MFSD2A: variants seen among roughly 807,000 people sequenced by gnomAD.
MFSD2A encodes the protein sodium-dependent lysophosphatidylcholine symporter 1.
A neutral mutation model predicts 64.7 loss-of-function variants in MFSD2A; 27 were observed. The ratio of observed to expected loss-of-function variants is 0.42; its 90% CI spans 0.31 to 0.58. The LOEUF (loss-of-function observed/expected upper bound fraction) is 0.58, where lower values mean the gene tolerates loss of function less well. Among genes scored for constraint, MFSD2A ranks in the 20% least tolerant of loss-of-function variants. The pLI, the probability that MFSD2A is intolerant of heterozygous loss-of-function variation, is 0.18. For missense variants in MFSD2A, 474 were observed against 679.5 expected (o/e 0.70, Z 3.36); for synonymous variants, 258 against 273.4 (o/e 0.94, Z 0.55).
At position 39,965,090 on chromosome 1, in the gene MFSD2A, GGGAA is replaced by G; in HGVS notation, c.354-111_354-108del. ...GATGGGTGGATTTGGCAGGAGTATG[GGGAA>G]GGAAGGAAGAGCTTAGCTTCCTTCC... is the stretch of plus-strand genomic sequence containing the variant. On this transcript the variant is annotated intron_variant, in intron 3 of 13. Coordinates refer to ENST00000372811, the MANE Select transcript of MFSD2A (RefSeq NM_032793.5). The surrounding 1 kb of genome is among the most constrained non-coding windows in gnomAD (Gnocchi z 5.5). 2.2e-6 allele frequency: 3 copies of G among 1,387,210 alleles called. No homozygotes were observed. The highest frequency in any genetic ancestry group is 2.0e-6 in the Non-Finnish European group (2 of 1,019,932). The allele number at this position is 1,387,210 out of a possible 1,614,324, so 85.9% of individuals were successfully genotyped here. A position where few individuals can be genotyped will look rare whatever the true frequency, so the allele number is the denominator to read the frequency against.
chr1:39,963,109 G>A lies in MFSD2A; in HGVS notation c.354-2102G>A. The A allele has an allele frequency of 7.4e-7, 1 of 1,355,598 alleles. No homozygotes were observed. Among genetic ancestry groups the A allele is most frequent in the Non-Finnish European group, 1.0e-6 (1 of 975,112 alleles). 84.0% of individuals were successfully genotyped at this position (1,355,598 alleles called of 1,614,324 possible). ...GTCCCTTGCAAGGTGACAGGCCGCT[G>A]CGGCTCTGTGCTGGTGCGTCTCATC... On this transcript the variant is annotated intron_variant, in intron 3 of 13. Coordinates refer to ENST00000372811, the MANE Select transcript of MFSD2A (RefSeq NM_032793.5). The surrounding 1 kb of genome is among the most constrained non-coding windows in gnomAD (Gnocchi z 4.2).
rs771458481 is a variant in MFSD2A at position 39,963,711 on chromosome 1, C to A, written c.354-1500C>A. 3.9e-4 allele frequency among the ~76,000 whole-genome samples: 60 copies of A among 152,068 alleles called. No homozygotes were observed. Among genetic ancestry groups the A allele is most frequent in the Non-Finnish European group, 8.4e-4 (57 of 68,014 alleles). On this transcript the variant is annotated intron_variant, in intron 3 of 13. Coordinates refer to ENST00000372811, the MANE Select transcript of MFSD2A (RefSeq NM_032793.5). This position sits in a 1 kb window ranked among gnomAD's most constrained non-coding sequence, Gnocchi z 4.2. ...TTTTGGGCAGTGCAGTTTTAACATTCCACATTAAGGATGTAATAATCAAGG... is the reference window on the plus strand; with the variant it reads ...TTTTGGGCAGTGCAGTTTTAACATTACACATTAAGGATGTAATAATCAAGG...
At chr1:39,956,541 G>T (rs1570233079) in intron 1 of MFSD2A, among the ~76,000 whole-genome samples, 1 of 152,304 alleles carries the variant, frequency 6.6e-6, no homozygotes. Context: ...AAGGAGCAGT[G>T]CCTGAGGCCT....
rs541433670 is a variant in MFSD2A, at chr1:39,969,824, G to C, written c.*256G>C. The C allele has an allele frequency of 7.9e-4, 395 of 498,160 alleles. 1 individual carries two copies. The highest frequency in any genetic ancestry group is 6.6e-4 in the Non-Finnish European group (192 of 289,036). The allele number at this position is 498,160 out of a possible 1,614,324, so 30.9% of individuals were successfully genotyped here. A position where few individuals can be genotyped will look rare whatever the true frequency, so the allele number is the denominator to read the frequency against. ...CCAAGGACTGATCGGGCCTAGCCCG[G>C]AACACTAATGTAGAAACCTTTTTTT... On this transcript the variant is annotated 3_prime_UTR_variant, in exon 14 of 14. Transcript: ENST00000372811.
chr1:39,966,505 G>GCCCAAGATCATTGAGTGGGGCTGCTGGA, intron 6 of MFSD2A, 96 bp from the exon 7 acceptor site: 1 of 967,410 alleles, frequency 1.0e-6, no homozygotes, highest in Non-Finnish European at 1.6e-6. Context: ...GAGGGGAGGG[G>GCCCAAGATCATTGAGTGGGGCTGCTGGA]ACTGGCCCAA....
At chr1:39,966,433 G>T (rs768904575) in intron 6 of MFSD2A, among the ~76,000 whole-genome samples, 168 bp from the exon 7 acceptor site, 2 of 152,106 alleles carry the variant, frequency 1.3e-5, no homozygotes, top group Non-Finnish European at 2.9e-5. Flanking sequence ...GTCCAGCCTT[G>T]GGAAGCAACA....
chr1:39,962,994 G>T (rs1258220645), intron 3 of MFSD2A: 1 of 1,508,860 alleles, frequency 6.6e-7, no homozygotes, highest in South Asian at 1.1e-5. Flanking sequence ...GGTGGCCACC[G>T]CCATCCGTGG....
At position 39,966,680 on chromosome 1, in the gene MFSD2A, G is replaced by C; in HGVS notation, c.794G>C (p.Arg265Pro). The C allele has an allele frequency of 6.2e-7, 1 of 1,613,964 alleles. No individual in the cohort carries two copies. The highest frequency in any genetic ancestry group is 8.5e-7 in the Non-Finnish European group (1 of 1,179,956). ...GCTGTCATCCTGATCCTGGGCGTGC[G>C]GGAGCAGAGAGGTAAGGGGGTGCCT... ...ICAVILILGV[R>P]EQREPYEAQQ... Residue 265 changes from arginine to proline, a missense_variant, in exon 7 of 14, where the codon CGG becomes CCG. Coordinates refer to ENST00000372811, the MANE Select transcript of MFSD2A (RefSeq NM_032793.5).
rs1413818416 is a variant in MFSD2A at position 39,963,816 on chromosome 1, C to T, written c.354-1395C>T. On this transcript the variant is annotated intron_variant, in intron 3 of 13. Coordinates refer to ENST00000372811, the MANE Select transcript of MFSD2A (RefSeq NM_032793.5). This position sits in a 1 kb window ranked among gnomAD's most constrained non-coding sequence, Gnocchi z 4.2. ...GTGGTGCGATCTCGGCTCACTGCAACCTCTGCCTCCCGGGTTCAAGTGATT... is the reference window on the plus strand; with the variant it reads ...GTGGTGCGATCTCGGCTCACTGCAATCTCTGCCTCCCGGGTTCAAGTGATT... Among the ~76,000 whole-genome samples, 1 of 152,184 alleles carries T rather than the reference C, an allele frequency of 6.6e-6. No individual in the cohort carries two copies. Among genetic ancestry groups the T allele is most frequent in the African/African-American group, 2.4e-5 (1 of 41,436 alleles).
At position 39,965,507 on chromosome 1, in the gene MFSD2A, A is replaced by G; in HGVS notation, c.514A>G (p.Ile172Val). The G allele has an allele frequency of 6.2e-7, 1 of 1,613,930 alleles. No individual in the cohort carries two copies. The highest frequency in any genetic ancestry group is 8.5e-7 in the Non-Finnish European group (1 of 1,179,990). ...TCCCTACTCGGCTCTCACCATGTTC[A>G]TCAGCACCGAGCAGACTGAGCGGGA... ...HVPYSALTMF[I>V]STEQTERDSA... The change falls in exon 5 of 14, where the codon ATC becomes GTC. Residue 172 changes from isoleucine (I) to valine (V), a missense_variant. Coordinates refer to ENST00000372811, the MANE Select transcript of MFSD2A (RefSeq NM_032793.5). The surrounding 1 kb of genome is among the most constrained non-coding windows in gnomAD (Gnocchi z 5.5).
At chr1:39,957,552 C>A (rs1363424423) in intron 2 of MFSD2A, among the ~76,000 whole-genome samples, 1 of 152,188 alleles carries the variant, frequency 6.6e-6, no homozygotes, top group Non-Finnish European at 1.5e-5. Flanking sequence ...ACACTGTGTT[C>A]CTGGCTGGGA....
rs1645170878 is a variant in MFSD2A at position 39,966,780 on chromosome 1, C to G, written c.806-31C>G. 3 of 1,614,032 alleles carry G rather than the reference C, an allele frequency of 1.9e-6. No homozygotes were observed. In the East Asian group the frequency reaches 6.7e-5, roughly 36 times the overall value. ...CCTCAGGCTTTGGGAGGGGTCTCTGCTCCTTCCTCACTGTCCGCTCTGGCC... is the reference window on the plus strand; with the variant it reads ...CCTCAGGCTTTGGGAGGGGTCTCTGGTCCTTCCTCACTGTCCGCTCTGGCC... On this transcript the variant is annotated intron_variant, in intron 7 of 13. Coordinates refer to ENST00000372811, the MANE Select transcript of MFSD2A (RefSeq NM_032793.5).
At position 39,960,590 on chromosome 1, in the gene MFSD2A, C is replaced by T. The variant is rs537893769; in HGVS notation, c.353+1765C>T. Among the ~76,000 whole-genome samples the T allele has an allele frequency of 2.7e-4, 41 of 152,346 alleles. No individual in the cohort carries two copies. Among genetic ancestry groups the T allele is most frequent in the African/African-American group, 9.1e-4 (38 of 41,580 alleles). The stretch of plus-strand genomic sequence containing the variant: ...TGCCACGTCGCCTCATGAGGCCCAG[C>T]CAATGGGAGGCAGCCGCTCCCAGGG... On this transcript the variant is annotated intron_variant, in intron 3 of 13. Transcript: ENST00000372811. The surrounding 1 kb of genome is among the most constrained non-coding windows in gnomAD (Gnocchi z 4.8).
Position 39,965,755 on chromosome 1 carries a change from C to T in MFSD2A, c.557-102C>T. ...TGTCACCTACCCCACTACCTCTACCCACCCTGCCTGGAGCTACCGCTGGGC... is the reference window on the plus strand; with the variant it reads ...TGTCACCTACCCCACTACCTCTACCTACCCTGCCTGGAGCTACCGCTGGGC... On this transcript the variant is annotated intron_variant, in intron 5 of 13. Transcript: ENST00000372811. The surrounding 1 kb of genome is among the most constrained non-coding windows in gnomAD (Gnocchi z 5.5). The T allele has an allele frequency of 6.8e-7, 1 of 1,480,522 alleles. No homozygotes were observed. Among genetic ancestry groups the T allele is most frequent in the Non-Finnish European group, 9.3e-7 (1 of 1,079,138 alleles). The allele number at this position is 1,480,522 out of a possible 1,614,324, so 91.7% of individuals were successfully genotyped here.
Position 39,969,899 on chromosome 1 carries a change from T to C in MFSD2A, c.*331T>C, listed in dbSNP as rs1432114985. 2.9e-6 allele frequency: 1 copy of C among 340,178 alleles called. No homozygotes were observed. Among genetic ancestry groups the C allele is most frequent in the African/African-American group, 2.2e-5 (1 of 45,960 alleles). The allele number at this position is 340,178 out of a possible 1,614,324, so 21.1% of individuals were successfully genotyped here. Reference sequence around the variant, plus strand: ...ATGACTGTGTACATAGCAATGTGTGTGTATGTATATGTCTGTGAGCTATTA... The same window carrying C: ...ATGACTGTGTACATAGCAATGTGTGCGTATGTATATGTCTGTGAGCTATTA... On this transcript the variant is annotated 3_prime_UTR_variant, in exon 14 of 14. Coordinates refer to ENST00000372811, the MANE Select transcript of MFSD2A (RefSeq NM_032793.5).
intron 3 of MFSD2A, among the ~76,000 whole-genome samples, chr1:39,961,401 T>C (rs1645041362): frequency 7.4e-6 from 1 of 135,148 alleles, no homozygotes; most frequent in African/African-American, 2.8e-5. Flanking sequence ...CAGACTGGAG[T>C]GCACTGGCGT....
Position 39,955,626 on chromosome 1 carries a change from G to C in MFSD2A, c.93+241G>C. On this transcript the variant is annotated intron_variant, in intron 1 of 13. Coordinates refer to ENST00000372811, the MANE Select transcript of MFSD2A (RefSeq NM_032793.5). This position sits in a 1 kb window ranked among gnomAD's most constrained non-coding sequence, Gnocchi z 5.9. Reference sequence around the variant, plus strand: ...GCTCTGCGGAGAGGCTCTGCCGGCAGCCCCATGTGATTCCCCGCTCTGCCT... The same window carrying C: ...GCTCTGCGGAGAGGCTCTGCCGGCACCCCCATGTGATTCCCCGCTCTGCCT... 1.5e-6 allele frequency: 1 copy of C among 687,610 alleles called. No individual in the cohort carries two copies. Among genetic ancestry groups the C allele is most frequent in the Non-Finnish European group, 2.7e-6 (1 of 376,582 alleles). The allele number at this position is 687,610 out of a possible 1,614,324, so 42.6% of individuals were successfully genotyped here.
rs777315801 is a variant in MFSD2A, at chr1:39,966,714, G to A, written c.805+23G>A. 1.2e-5 allele frequency: 20 copies of A among 1,613,280 alleles called. No homozygotes were observed. In the Admixed American group the frequency reaches 1.5e-4, roughly 12 times the overall value. On this transcript the variant is annotated intron_variant, in intron 7 of 13. Coordinates refer to ENST00000372811, the MANE Select transcript of MFSD2A (RefSeq NM_032793.5). ...GAGGTAAGGGGGTGCCTGGGAAGGG[G>A]TGCAGGCCTCAGCATGGACAGCTGT... is the stretch of plus-strand genomic sequence containing the variant.
In MFSD2A at chr1:39,967,920, G is replaced by A; in HGVS notation, c.1208+4G>A. Reference sequence around the variant, plus strand: ...CAGCTGCCTTCTTACTACCCTGGTAGGTATATACAGGCCCCCCTCCTCGGG... The same window carrying A: ...CAGCTGCCTTCTTACTACCCTGGTAAGTATATACAGGCCCCCCTCCTCGGG... On this transcript the variant is annotated splice_donor_region_variant and intron_variant, in intron 11 of 13. Coordinates refer to ENST00000372811, the MANE Select transcript of MFSD2A (RefSeq NM_032793.5). 6.4e-7 allele frequency: 1 copy of A among 1,573,934 alleles called. No individual in the cohort carries two copies. The highest frequency in any genetic ancestry group is 8.7e-7 in the Non-Finnish European group (1 of 1,146,678).
Sources: gnomAD v4.1 joint callset for allele counts (sites outside exome capture counted in the v4.1 genomes callset) on GRCh38, gnomAD v4.1.1 for gene constraint, Gnocchi (gnomAD v3.1) non-coding constraint, MANE v1.5 for transcripts, NCBI Gene and HGNC (gene_info 2026-07-23, HGNC 2026-07-21) for gene names.